Variants in AQP4 observed in about 807,000 individuals in gnomAD.
AQP4 encodes the protein aquaporin-4.
Under a neutral mutation model 27.8 loss-of-function variants are expected in AQP4, and 18 were observed. The ratio of observed to expected loss-of-function variants is 0.65; its 90% CI spans 0.45 to 0.96. The LOEUF (loss-of-function observed/expected upper bound fraction) is 0.96. Among genes scored for constraint, AQP4 ranks in the 40% least tolerant of loss-of-function variants. The pLI is 0.00. For missense variants in AQP4, 412 were observed against 408.2 expected (o/e 1.01, Z -0.08); for synonymous variants, 141 against 142.9 (o/e 0.99, Z 0.10).
chr18:26,862,242 T>C lies in AQP4; in HGVS notation c.387A>G (p.Gly129=), dbSNP rs144914209. Residue 129 remains glycine (G), a synonymous_variant, in exon 2 of 5, where the codon GGA becomes GGG. Transcript: ENST00000383168. The stretch of plus-strand genomic sequence containing the variant: ...GTGTGACCAGATAGAGGATTCCTGC[T>C]CCAATGATGGCCCCCAGGCACTGGG... The part of the protein sequence containing the change: ...IAAQCLGAII[G]AGILYLVTPP... 1 of 1,614,018 alleles carries C rather than the reference T, an allele frequency of 6.2e-7. No homozygotes were observed. Among genetic ancestry groups the C allele is most frequent in the African/African-American group, 1.3e-5 (1 of 74,902 alleles).
Position 26,852,803 on chromosome 18 carries a change from G to C in AQP4, c.*3408C>G, listed in dbSNP as rs1177393221. On this transcript the variant is annotated 3_prime_UTR_variant, in exon 5 of 5. Transcript: ENST00000383168. Reference sequence around the variant, plus strand: ...AATTTGCAAATTCTATAGTGCTTATGAGAATTTATATTGGCTTTTATATTG... The same window carrying C: ...AATTTGCAAATTCTATAGTGCTTATCAGAATTTATATTGGCTTTTATATTG... 1 of 398,394 alleles carries C rather than the reference G, an allele frequency of 2.5e-6. No individual in the cohort carries two copies. The highest frequency in any genetic ancestry group is 4.4e-6 in the Non-Finnish European group (1 of 225,998). 24.7% of individuals were successfully genotyped at this position (398,394 alleles called of 1,614,324 possible).
rs200232760 is a variant in AQP4 at position 26,862,450 on chromosome 18, C to T, written c.179G>A (p.Gly60Asp). The T allele has an allele frequency of 1.4e-5, 22 of 1,614,068 alleles. No homozygotes were observed. The highest frequency in any genetic ancestry group is 1.7e-5 in the Non-Finnish European group (20 of 1,180,034). ...GACCGGTAAAGGCTTTTCTGTTCCA[C>T]CCCAGTTGATGGTGGATCCCAGGCT... ...LLSLGSTINW[G>D]GTEKPLPVDM... The change falls in exon 2 of 5, where the codon GGT (glycine) becomes GAT (aspartate). Residue 60 changes from glycine to aspartate, a missense_variant. Coordinates refer to ENST00000383168, the MANE Select transcript of AQP4 (RefSeq NM_001650.7).
intron 4 of AQP4, among the ~76,000 whole-genome samples, chr18:26,857,596 G>T (rs1015140148): frequency 6.6e-6 from 1 of 152,138 alleles, no homozygotes; most frequent in Non-Finnish European, 1.5e-5. Context: ...AAAGTGCTGG[G>T]ATTACAGGTG....
At chr18:26,860,687 T>C (rs868770279) in intron 4 of AQP4, 85 bp downstream of exon 4, 1 of 1,194,102 alleles carries the variant, frequency 8.4e-7, no homozygotes, top group South Asian at 1.2e-5. Context: ...GAGAAAGTAG[T>C]AGGCAAAATA....
chr18:26,856,421 T>G lies in AQP4; in HGVS notation c.762A>C (p.Pro254=). 1 of 1,614,214 alleles carries G rather than the reference T, an allele frequency of 6.2e-7. No individual in the cohort carries two copies. Among genetic ancestry groups the G allele is most frequent in the East Asian group, 2.2e-5 (1 of 44,886 alleles). ...AGGLYEYVFC[P]DVEFKRRFKE... ...TAAAACGACGTTTGAATTCAACATC[T>G]GGACAGAAGACATACTCATAAAGGC... The change falls in exon 5 of 5, where the codon CCA becomes CCC. Residue 254 remains proline, a synonymous_variant. Transcript: ENST00000383168.
chr18:26,861,914 G>A, intron 2 of AQP4: 1 of 532,882 alleles, frequency 1.9e-6, no homozygotes, highest in East Asian at 3.3e-5. Flanking sequence ...TATAGTAATT[G>A]GAATGGGAGA....
chr18:26,865,552 G>GCT, intron 1 of AQP4, 106 bp downstream of exon 1: 1 of 1,456,428 alleles, frequency 6.9e-7, no homozygotes, highest in South Asian at 1.1e-5. Flanking sequence ...CTGCCCTATA[G>GCT]CTGCCTTCCA....
intron 1 of AQP4, chr18:26,862,809 C>A: frequency 1.6e-6 from 1 of 638,630 alleles, no homozygotes; most frequent in Non-Finnish European, 2.7e-6. Context: ...CAAAGATCAT[C>A]CAGTTTCACG....
intron 1 of AQP4, chr18:26,865,327 A>C: frequency 2.3e-6 from 1 of 441,548 alleles, no homozygotes; most frequent in Admixed American, 3.4e-5. Context: ...CTGAACACTC[A>C]GCTTCATCCA....
intron 3 of AQP4, 100 bp from the exon 4 acceptor site, chr18:26,860,952 T>C: frequency 1.1e-5 from 15 of 1,392,248 alleles, no homozygotes; most frequent in Non-Finnish European, 1.5e-5. Flanking sequence ...TAGAGGAACC[T>C]CAAGATATTA....
intron 4 of AQP4, among the ~76,000 whole-genome samples, chr18:26,857,341 A>G (rs1328713610): frequency 1.3e-5 from 2 of 148,710 alleles, no homozygotes; most frequent in African/African-American, 5.0e-5. Context: ...ATTATTATTA[A>G]TTTTGAGACG....
chr18:26,860,770 AC>A lies in AQP4; in HGVS notation c.693+1del. 6.2e-7 allele frequency: 1 copy of A among 1,612,012 alleles called. No individual in the cohort carries two copies. On this transcript the variant is annotated splice_donor_variant, in intron 4 of 4. Transcript: ENST00000383168. LOFTEE classifies it high-confidence loss of function. ...GATGGGAACTATCAATATGAGGGTTACCCAATGGTTTTCCCAATTTCCCATG... is the reference window on the plus strand; with the variant it reads ...GATGGGAACTATCAATATGAGGGTTACCAATGGTTTTCCCAATTTCCCATG...
chr18:26,857,167 T>G (rs1437056625), intron 4 of AQP4, among the ~76,000 whole-genome samples: 1 of 152,102 alleles, frequency 6.6e-6, no homozygotes, highest in East Asian at 1.9e-4. Context: ...CTTCCAAAAT[T>G]TGGTGATTTG....
intron 3 of AQP4, 70 bp from the exon 4 acceptor site, chr18:26,860,922 A>G (rs553451380): frequency 4.0e-6 from 6 of 1,483,130 alleles, no homozygotes; most frequent in South Asian, 2.3e-5. Context: ...ATTCATTGCA[A>G]TTTGCTGTCA....
chr18:26,865,136 T>C (rs968886700), intron 1 of AQP4: 13 of 165,796 alleles, frequency 7.8e-5, no homozygotes, highest in Admixed American at 2.9e-4. Flanking sequence ...TGGCAGCATA[T>C]ACATATCTCT....
chr18:26,856,169 C>A lies in AQP4; in HGVS notation c.*42G>T. The A allele has an allele frequency of 6.2e-7, 1 of 1,610,236 alleles. No homozygotes were observed. Among genetic ancestry groups the A allele is most frequent in the Non-Finnish European group, 8.5e-7 (1 of 1,176,626 alleles). ...TAATGGGTGGAAGGAAATCTGAGGA[C>A]AGTTCTAAGGAGTCTTGTCTGCTTT... On this transcript the variant is annotated 3_prime_UTR_variant, in exon 5 of 5. Transcript: ENST00000383168.
chr18:26,865,791 TA>T, upstream of AQP4: 1 of 1,414,384 alleles, frequency 7.1e-7, no homozygotes, highest in Non-Finnish European at 1.0e-6. Context: ...TTTGGAGTGT[TA>T]GGGGTGGAAA....
At chr18:26,859,029 A>C (rs938871662) in intron 4 of AQP4, among the ~76,000 whole-genome samples, 1 of 152,230 alleles carries the variant, frequency 6.6e-6, no homozygotes, top group Non-Finnish European at 1.5e-5. Context: ...ATAATATAAC[A>C]TGGGGCAACT....
chr18:26,862,214 G>A lies in AQP4; in HGVS notation c.415C>T (p.Pro139Ser). Reference protein sequence around the residue: ...GAGILYLVTPPSVVGGLGVTM... With the variant: ...GAGILYLVTPSSVVGGLGVTM... ...ACTCCCAGGCCTCCCACCACACTGGGAGGTGTGACCAGATAGAGGATTCCT... is the reference window on the plus strand; with the variant it reads ...ACTCCCAGGCCTCCCACCACACTGGAAGGTGTGACCAGATAGAGGATTCCT... The change falls in exon 2 of 5, where the codon CCC (proline) becomes TCC (serine). Residue 139 changes from proline to serine, a missense_variant. Coordinates refer to ENST00000383168, the MANE Select transcript of AQP4 (RefSeq NM_001650.7). 6.2e-7 allele frequency: 1 copy of A among 1,614,136 alleles called. No homozygotes were observed. Among genetic ancestry groups the A allele is most frequent in the South Asian group, 1.1e-5 (1 of 91,076 alleles).
Sources: gnomAD v4.1 joint callset for allele counts (sites outside exome capture counted in the v4.1 genomes callset) on GRCh38, gnomAD v4.1.1 for gene constraint, MANE v1.5 for transcripts, NCBI Gene and HGNC (gene_info 2026-07-23, HGNC 2026-07-21) for gene names.